The following PTHLH variants were observed in gnomAD, a reference collection of about 807,000 sequenced individuals.
The protein encoded by PTHLH is parathyroid hormone like hormone, also known as parathyroid hormone-related protein.
A neutral mutation model predicts 18.6 loss-of-function variants in PTHLH; 5 were observed. That is an observed-to-expected ratio of 0.27 (90% CI 0.14 to 0.56). The LOEUF (loss-of-function observed/expected upper bound fraction) is 0.56, where lower values mean the gene tolerates loss of function less well. Among genes scored for constraint, PTHLH ranks in the 20% least tolerant of loss-of-function variants. PTHLH has a pLI of 0.92. For synonymous variants in PTHLH, 90 were observed against 94.0 expected, an observed-to-expected ratio of 0.96 and a Z score of 0.25; for missense variants, 207 against 223.9, an observed-to-expected ratio of 0.92 and a Z score of 0.48.
intron 4 of PTHLH, among the ~76,000 whole-genome samples, chr12:27,966,096 C>G (rs573730906): frequency 1.4e-4 from 21 of 152,266 alleles, no homozygotes; most frequent in African/African-American, 4.8e-4. Flanking sequence ...TGCTCATATG[C>G]CCCTTCTCAT....
At chr12:27,960,901 T>C (rs1331976950) in intron 5 of PTHLH, among the ~76,000 whole-genome samples, 1 of 152,090 alleles carries the variant, frequency 6.6e-6, no homozygotes, top group Non-Finnish European at 1.5e-5. Context: ...AGATTTTATC[T>C]GGATTACAAA....
At chr12:27,963,198 T>C (rs1414368517) in intron 5 of PTHLH, 150 bp downstream of exon 5, 4 of 1,528,806 alleles carry the variant, frequency 2.6e-6, no homozygotes, top group Non-Finnish European at 3.5e-6. Flanking sequence ...GCAGACAATA[T>C]TCTGAGTTAT....
intron 5 of PTHLH, chr12:27,961,904 CAG>C: frequency 1.4e-6 from 1 of 712,760 alleles, no homozygotes; most frequent in Admixed American, 2.1e-5. Flanking sequence ...AAAGAAGTAA[CAG>C]GGGACTCTTA....
chr12:27,963,029 G>T, intron 5 of PTHLH: 1 of 1,240,578 alleles, frequency 8.1e-7, no homozygotes, highest in Non-Finnish European at 1.0e-6. Context: ...AGCAAATTAT[G>T]AAGATGGTCA....
rs1369236070 is a variant in PTHLH, at chr12:27,958,880, G to A, written c.525-312C>T. ...ATTTTCCAAGACTGCCAGCTGGCAA[G>A]TTTGGGAAGAGAAGGGACAAATTTA... On this transcript the variant is annotated intron_variant, in intron 5 of 5. Coordinates refer to ENST00000545234, the MANE Select transcript of PTHLH (RefSeq NM_198965.2). Among the ~76,000 whole-genome samples the A allele has an allele frequency of 3.9e-5, 6 of 152,246 alleles. No homozygotes were observed. The East Asian group carries it at 1.2e-3, about 29-fold the overall frequency.
At chr12:27,965,842 C>G (rs2062808043) in intron 4 of PTHLH, among the ~76,000 whole-genome samples, 1 of 152,146 alleles carries the variant, frequency 6.6e-6, no homozygotes, top group Non-Finnish European at 1.5e-5. Flanking sequence ...AATAATAGGA[C>G]AGATATAATT....
intron 4 of PTHLH, 142 bp from the exon 5 acceptor site, chr12:27,963,912 C>G (rs1184142885): frequency 4.9e-6 from 4 of 814,138 alleles, no homozygotes; most frequent in Non-Finnish European, 7.7e-6. Flanking sequence ...GCTCATTGCG[C>G]AGGGAAGGGT....
chr12:27,964,340 G>T (rs1031448306), intron 4 of PTHLH, among the ~76,000 whole-genome samples: 65 of 151,770 alleles, frequency 4.3e-4, no homozygotes, highest in African/African-American at 1.5e-3. Flanking sequence ...CAAGCCGTAA[G>T]AGTAAAAACA....
In PTHLH at chr12:27,972,558, T is replaced by C. The variant is rs2062878535; in HGVS notation, c.-394A>G. 6.6e-6 allele frequency: 1 copy of C among 152,260 alleles called. No homozygotes were observed. The highest frequency in any genetic ancestry group is 2.4e-5 in the African/African-American group (1 of 41,476). The allele number at this position is 152,260 out of a possible 1,614,324, so 9.4% of individuals were successfully genotyped here. A position where few individuals can be genotyped will look rare whatever the true frequency, so the allele number is the denominator to read the frequency against. ...ATTTACAATCTTCTCTCTGCTCTTC[T>C]GGCTGAAAGAGGGAAATCTTCTCAG... On this transcript the variant is annotated 5_prime_UTR_variant, in exon 1 of 6. Coordinates refer to ENST00000545234, the MANE Select transcript of PTHLH (RefSeq NM_198965.2).
rs563802837 is a variant in PTHLH at position 27,962,990 on chromosome 12, G to T, written c.524+358C>A. 1.9e-3 allele frequency: 2,222 copies of T among 1,168,576 alleles called. 2 individuals are homozygous for T. The highest frequency in any genetic ancestry group is 2.2e-3 in the Non-Finnish European group (2,104 of 940,630). The allele number at this position is 1,168,576 out of a possible 1,614,324, so 72.4% of individuals were successfully genotyped here. On this transcript the variant is annotated intron_variant, in intron 5 of 5. Coordinates refer to ENST00000545234, the MANE Select transcript of PTHLH (RefSeq NM_198965.2). ...CACTGAAGAAAGTTTGCCCAGGTGT[G>T]AGAGTAAGGGGAAGAAACACACTTC... is the stretch of plus-strand genomic sequence containing the variant.
rs887382913 is a variant in PTHLH, at chr12:27,969,325, C to T, written c.101+69G>A. 7.0e-6 allele frequency: 10 copies of T among 1,424,312 alleles called. No individual in the cohort carries two copies. In the African/African-American group the frequency reaches 1.4e-4, roughly 20 times the overall value. The allele number at this position is 1,424,312 out of a possible 1,614,324, so 88.2% of individuals were successfully genotyped here. A position where few individuals can be genotyped will look rare whatever the true frequency, so the allele number is the denominator to read the frequency against. On this transcript the variant is annotated intron_variant, in intron 4 of 5. Transcript: ENST00000545234. Reference sequence around the variant, plus strand: ...GGTGACCGCTGCAAGCCCTCGGCAGCATCCCAGCTTGGCAGCCCCTCCCCC... The same window carrying T: ...GGTGACCGCTGCAAGCCCTCGGCAGTATCCCAGCTTGGCAGCCCCTCCCCC...
chr12:27,969,319 C>G, intron 4 of PTHLH, 75 bp downstream of exon 4: 2 of 1,397,080 alleles, frequency 1.4e-6, no homozygotes, highest in Non-Finnish European at 2.0e-6. Context: ...TGCAAGCCCT[C>G]GGCAGCATCC....
intron 5 of PTHLH, among the ~76,000 whole-genome samples, chr12:27,961,262 C>A: frequency 2.2e-5 from 2 of 91,968 alleles, no homozygotes; most frequent in African/African-American, 4.0e-5. Flanking sequence ...TTATTTATAC[C>A]TCTTTTTATA....
intron 2 of PTHLH, among the ~76,000 whole-genome samples, chr12:27,971,539 G>A (rs1412443089): frequency 6.6e-6 from 1 of 151,942 alleles, no homozygotes; most frequent in African/African-American, 2.4e-5. Flanking sequence ...TATCAAGCCC[G>A]ACTTTCCGGG....
intron 3 of PTHLH, chr12:27,969,819 A>G: frequency 1.8e-6 from 1 of 557,576 alleles, no homozygotes; most frequent in South Asian, 1.4e-5. Flanking sequence ...ATATGCATCA[A>G]TGATAAGTAG....
chr12:27,961,303 A>ATATATATATACGTATATATATACG (rs2062754626), intron 5 of PTHLH, among the ~76,000 whole-genome samples: 1 of 19,886 alleles, frequency 5.0e-5, no homozygotes, highest in African/African-American at 2.6e-4. Context: ...ATATATACGT[A>ATATATATATACGTATATATATACG]TATATATATA....
chr12:27,958,676 G>T, intron 5 of PTHLH, 108 bp from the exon 6 acceptor site: 1 of 1,089,212 alleles, frequency 9.2e-7, no homozygotes, highest in Non-Finnish European at 1.3e-6. Flanking sequence ...AATCACAATG[G>T]AAAGAGATTC....
chr12:27,970,728 A>C lies in PTHLH; in HGVS notation c.-265-461T>G, dbSNP rs187392898. Among the ~76,000 whole-genome samples the C allele has an allele frequency of 3.3e-5, 5 of 152,130 alleles. No individual in the cohort carries two copies. In the East Asian group the frequency reaches 9.7e-4, roughly 30 times the overall value. On this transcript the variant is annotated intron_variant, in intron 2 of 5. Transcript: ENST00000545234. Reference sequence around the variant, plus strand: ...CACCAGGGGCGGACCGACGAGGAGGAGGCCAAGGAGCTGGGCCGGGGACCG... The same window carrying C: ...CACCAGGGGCGGACCGACGAGGAGGCGGCCAAGGAGCTGGGCCGGGGACCG...
intron 4 of PTHLH, among the ~76,000 whole-genome samples, chr12:27,964,234 T>TTC (rs60461766): frequency 0.14 from 19,547 of 144,378 alleles, 1,344 homozygotes; most frequent in East Asian, 0.22. Flanking sequence ...TACCTGAGTA[T>TTC]TCTCTCTCTC....
Sources: allele counts gnomAD v4.1 joint callset (sites outside exome capture counted in the v4.1 genomes callset), GRCh38; gene constraint gnomAD v4.1.1; transcripts MANE v1.5; gene names NCBI Gene and HGNC (gene_info 2026-07-23, HGNC 2026-07-21).